Variants in EP300 observed in about 807,000 individuals in gnomAD.
The protein encoded by EP300 is EP300 lysine acetyltransferase.
EP300 carries 31 observed loss-of-function variants against 264.0 expected under a neutral mutation model. The ratio of observed to expected loss-of-function variants is 0.12; its 90% CI spans 0.09 to 0.16. The LOEUF (loss-of-function observed/expected upper bound fraction) is 0.16, where lower values mean the gene tolerates loss of function less well. Among genes scored for constraint, EP300 ranks in the 10% least tolerant of loss-of-function variants. The pLI is 1.00. For missense variants in EP300, 2,766 were observed against 3,052.9 expected (o/e 0.91, Z 2.21); for synonymous variants, 1,340 against 1,045.4 (o/e 1.28, Z -5.44).
intron 12 of EP300, among the ~76,000 whole-genome samples, chr22:41,148,489 T>C (rs2059025173): frequency 6.6e-6 from 1 of 152,216 alleles, no homozygotes; most frequent in Non-Finnish European, 1.5e-5. Flanking sequence ...TCTTAGCTTA[T>C]GAAGTTTTTG....
At chr22:41,162,188 C>CTAT (rs2059112026) in intron 20 of EP300, among the ~76,000 whole-genome samples, 1 of 152,160 alleles carries the variant, frequency 6.6e-6, no homozygotes. Flanking sequence ...CAGGAAAATG[C>CTAT]TATTAACAGA....
chr22:41,164,558 A>G (rs2059124735), intron 22 of EP300, among the ~76,000 whole-genome samples: 2 of 152,112 alleles, frequency 1.3e-5, no homozygotes, highest in Non-Finnish European at 2.9e-5. Flanking sequence ...CTGAAAATAC[A>G]AAAATTAGCC....
chr22:41,136,035 C>G, intron 7 of EP300, 129 bp downstream of exon 7: 1 of 772,490 alleles, frequency 1.3e-6, no homozygotes, highest in Non-Finnish European at 2.3e-6. Flanking sequence ...ATGTTTGAGT[C>G]CATTCTTTCT....
In EP300 at chr22:41,177,049, C is replaced by A. The variant is rs758812559; in HGVS notation, c.5338C>A (p.Pro1780Thr). 1 of 1,614,116 alleles carries A rather than the reference C, an allele frequency of 6.2e-7. No individual in the cohort carries two copies. Among genetic ancestry groups the A allele is most frequent in the East Asian group, 2.2e-5 (1 of 44,878 alleles). Reference sequence around the variant, plus strand: ...CAAACGGAAAACCAATGGCGGGTGCCCCATCTGCAAGCAGCTCATTGCCCT... The same window carrying A: ...CAAACGGAAAACCAATGGCGGGTGCACCATCTGCAAGCAGCTCATTGCCCT... ...GCKRKTNGGC[P>T]ICKQLIALCC... The change falls in exon 31 of 31, where the codon CCC (proline) becomes ACC (threonine). Residue 1780 changes from proline (P) to threonine (T), a missense_variant. Coordinates refer to ENST00000263253, the MANE Select transcript of EP300 (RefSeq NM_001429.4).
chr22:41,172,334 A>G (rs80325575), intron 27 of EP300, among the ~76,000 whole-genome samples, 165 bp from the exon 28 acceptor site: 1,723 of 152,266 alleles, frequency 0.011, 31 homozygotes, highest in African/African-American at 0.034. Context: ...CCTTTTCACT[A>G]TTTATTTTTC....
chr22:41,126,239 A>T, intron 3 of EP300, 199 bp downstream of exon 3: 1 of 596,084 alleles, frequency 1.7e-6, no homozygotes, highest in Non-Finnish European at 3.0e-6. Context: ...GTGGTTATTG[A>T]TCAGTGAGCA....
intron 1 of EP300, among the ~76,000 whole-genome samples, chr22:41,095,752 C>T (rs2145670070): frequency 6.6e-6 from 1 of 152,112 alleles, no homozygotes; most frequent in South Asian, 2.1e-4. Flanking sequence ...GCCCGAAATT[C>T]TAGCACCTAA....
intron 1 of EP300, among the ~76,000 whole-genome samples, chr22:41,107,166 T>C (rs571146192): frequency 6.6e-6 from 1 of 152,138 alleles, no homozygotes. Flanking sequence ...TCCAAAGTGC[T>C]GAGATTACAG....
At position 41,149,053 on chromosome 22, in the gene EP300, C is replaced by G. The variant is rs2145735772; in HGVS notation, c.2257C>G (p.Pro753Ala). The change falls in exon 13 of 31, where the codon CCT (proline) becomes GCT (alanine). Residue 753 changes from proline (P) to alanine (A), a missense_variant. Coordinates refer to ENST00000263253, the MANE Select transcript of EP300 (RefSeq NM_001429.4). ...TTTTTTTCAGCCTATGGGCTATGGG[C>G]CTCGTATGCAACAGCCTTCCAACCA... ...GALNPPMGYG[P>A]RMQQPSNQGQ... 6.2e-7 allele frequency: 1 copy of G among 1,612,128 alleles called. No individual in the cohort carries two copies. Among genetic ancestry groups the G allele is most frequent in the Non-Finnish European group, 8.5e-7 (1 of 1,179,618 alleles).
intron 17 of EP300, among the ~76,000 whole-genome samples, chr22:41,156,305 AC>A (rs1203008084): frequency 6.6e-6 from 1 of 152,024 alleles, no homozygotes; most frequent in Non-Finnish European, 1.5e-5. Flanking sequence ...GAGCCACCGC[AC>A]CCGGCCACTT....
intron 20 of EP300, among the ~76,000 whole-genome samples, chr22:41,161,961 T>C (rs181332205): frequency 6.6e-6 from 1 of 152,232 alleles, no homozygotes; most frequent in African/African-American, 2.4e-5. Context: ...GTTTCCTTGA[T>C]GCAGGAAGAG....
chr22:41,176,862 C>T lies in EP300; in HGVS notation c.5151C>T (p.Asn1717=). ...KLGLGLDDES[N]NQQAAATQSP... Reference sequence around the variant, plus strand: ...GCCTTGGCTTAGATGATGAGAGCAACAACCAGCAGGCTGCAGCCACCCAGA... The same window carrying T: ...GCCTTGGCTTAGATGATGAGAGCAATAACCAGCAGGCTGCAGCCACCCAGA... The change falls in exon 31 of 31, where the codon AAC becomes AAT. Residue 1717 remains asparagine, a synonymous_variant. Coordinates refer to ENST00000263253, the MANE Select transcript of EP300 (RefSeq NM_001429.4). 6.2e-7 allele frequency: 1 copy of T among 1,614,132 alleles called. No individual in the cohort carries two copies. Among genetic ancestry groups the T allele is most frequent in the Non-Finnish European group, 8.5e-7 (1 of 1,180,004 alleles).
chr22:41,154,538 C>T (rs921658063), intron 16 of EP300, among the ~76,000 whole-genome samples: 9 of 151,844 alleles, frequency 5.9e-5, no homozygotes, highest in East Asian at 1.9e-4. Flanking sequence ...CCACCATGTC[C>T]GACTAATTTT....
chr22:41,129,539 A>G (rs2058904342), intron 4 of EP300, among the ~76,000 whole-genome samples: 3 of 152,230 alleles, frequency 2.0e-5, no homozygotes, highest in African/African-American at 7.2e-5. Context: ...GTATGAAGTC[A>G]TTAAAAAGTG....
intron 2 of EP300, among the ~76,000 whole-genome samples, chr22:41,125,175 G>A (rs537435026): frequency 1.2e-3 from 174 of 141,572 alleles, no homozygotes; most frequent in African/African-American, 4.3e-3. Flanking sequence ...CTGGAGTGCA[G>A]CGGCGTGATC....
Position 41,117,608 on chromosome 22 carries a change from C to G in EP300, c.516C>G (p.Gly172=). ...GAATGAACACAGGGATGAATGCGGG[C>G]ATGAATCCTGGAATGTTGGCTGCAG... ...AMGMNTGMNA[G]MNPGMLAAGN... The change falls in exon 2 of 31, where the codon GGC becomes GGG. Residue 172 remains glycine (G), a synonymous_variant. Coordinates refer to ENST00000263253, the MANE Select transcript of EP300 (RefSeq NM_001429.4). 1 of 1,614,224 alleles carries G rather than the reference C, an allele frequency of 6.2e-7. No homozygotes were observed. The highest frequency in any genetic ancestry group is 1.1e-5 in the South Asian group (1 of 91,088).
chr22:41,160,460 A>C, intron 19 of EP300, 182 bp from the exon 20 acceptor site: 4 of 569,804 alleles, frequency 7.0e-6, no homozygotes, highest in Non-Finnish European at 1.3e-5. Flanking sequence ...AAACAAAAAA[A>C]CCAAAACCCA....
At chr22:41,131,189 C>T (rs1242761272) in intron 5 of EP300, among the ~76,000 whole-genome samples, 199 bp from the exon 6 acceptor site, 3 of 152,074 alleles carry the variant, frequency 2.0e-5, no homozygotes, top group African/African-American at 4.8e-5. Context: ...AATCAAAAGC[C>T]TTTTATACCA....
At position 41,178,057 on chromosome 22, in the gene EP300, C is replaced by T. The variant is rs780484236; in HGVS notation, c.6346C>T (p.Pro2116Ser). The T allele has an allele frequency of 1.2e-6, 2 of 1,614,168 alleles. No individual in the cohort carries two copies. Among genetic ancestry groups the T allele is most frequent in the Admixed American group, 1.7e-5 (1 of 60,016 alleles). ...CCAGGGGCAGCCAGGGCTACAGCCA[C>T]CTACCATGCCAGGTCAGCAGGGGGT... ...MPQGQPGLQP[P>S]TMPGQQGVHS... The change falls in exon 31 of 31, where the codon CCT becomes TCT. Residue 2116 changes from proline (P) to serine (S), a missense_variant. By Grantham distance (74) the Pro-to-Ser change is moderately conservative (BLOSUM62 -1). Coordinates refer to ENST00000263253, the MANE Select transcript of EP300 (RefSeq NM_001429.4).
Sources: gnomAD v4.1 joint callset for allele counts (sites outside exome capture counted in the v4.1 genomes callset) on GRCh38, gnomAD v4.1.1 for gene constraint, MANE v1.5 for transcripts, NCBI Gene and HGNC (gene_info 2026-07-23, HGNC 2026-07-21) for gene names.